PTPRM: variants seen among roughly 807,000 people sequenced by gnomAD.
The protein encoded by PTPRM is protein tyrosine phosphatase receptor type M.
Under a neutral mutation model 186.7 loss-of-function variants are expected in PTPRM, and 47 were observed. That is an observed-to-expected ratio of 0.25 (90% CI 0.20 to 0.32). The LOEUF is 0.32. PTPRM is among the 10% of genes least tolerant of loss of function. PTPRM has a pLI of 1.00. For synonymous variants in PTPRM, 668 were observed against 674.9 expected (o/e 0.99, Z 0.16); for missense variants, 1,494 against 1,865.0 (o/e 0.80, Z 3.66).
chr18:8,276,079 C>G (rs899751066), intron 19 of PTPRM, among the ~76,000 whole-genome samples: 1 of 149,684 alleles, frequency 6.7e-6, no homozygotes, highest in African/African-American at 2.4e-5. Context: ...CATTTCTGTT[C>G]TCTACCTTTC....
intron 13 of PTPRM, among the ~76,000 whole-genome samples, chr18:8,140,369 G>A (rs906075866): frequency 2.0e-5 from 3 of 151,946 alleles, no homozygotes; most frequent in Non-Finnish European, 4.4e-5. Context: ...CTGGGCCAAA[G>A]TGGAATTGTT....
At chr18:7,732,948 A>G (rs2040692610) in intron 1 of PTPRM, among the ~76,000 whole-genome samples, 1 of 152,322 alleles carries the variant, frequency 6.6e-6, no homozygotes, top group Non-Finnish European at 1.5e-5. Flanking sequence ...ACTACAATAT[A>G]GGCTAGACAT....
chr18:7,606,652 T>C (rs567248166), intron 1 of PTPRM, among the ~76,000 whole-genome samples: 1 of 152,278 alleles, frequency 6.6e-6, no homozygotes, highest in Admixed American at 6.5e-5. Context: ...TCCTGCTTAA[T>C]GGAGGTGAGC....
chr18:7,930,172 G>T (rs137908656), intron 5 of PTPRM, among the ~76,000 whole-genome samples: 3,446 of 152,078 alleles, frequency 0.023, 131 homozygotes, highest in African/African-American at 0.079. Context: ...GGGCTTAGAT[G>T]ATCCTCCCAC....
chr18:8,023,868 A>ACG (rs149154904), intron 7 of PTPRM, among the ~76,000 whole-genome samples: 26,672 of 144,436 alleles, frequency 0.18, 3,276 homozygotes, highest in Non-Finnish European at 0.24. Flanking sequence ...ACACACACAC[A>ACG]CACGCACACC....
At chr18:7,915,140 G>C (rs1289676888) in intron 4 of PTPRM, among the ~76,000 whole-genome samples, 1 of 152,082 alleles carries the variant, frequency 6.6e-6, no homozygotes, top group African/African-American at 2.4e-5. Context: ...AGGCTTATTT[G>C]AGATCAATTA....
intron 1 of PTPRM, among the ~76,000 whole-genome samples, chr18:7,749,853 C>T (rs2041128972): frequency 6.6e-6 from 1 of 152,242 alleles, no homozygotes; most frequent in South Asian, 2.1e-4. Flanking sequence ...GTGGAGTTAT[C>T]TGCCTCCCAA....
At chr18:7,771,905 G>A (rs1895532748) in intron 1 of PTPRM, among the ~76,000 whole-genome samples, 1 of 152,230 alleles carries the variant, frequency 6.6e-6, no homozygotes, top group African/African-American at 2.4e-5. Context: ...AAGGATAAAT[G>A]GAGAGTCCTG....
At chr18:7,651,447 A>G (rs1318874353) in intron 1 of PTPRM, among the ~76,000 whole-genome samples, 2 of 152,232 alleles carry the variant, frequency 1.3e-5, no homozygotes, top group Admixed American at 1.3e-4. Context: ...TCGCCAAGTC[A>G]ATCCTAAGCC....
chr18:7,926,108 T>A (rs868225094), intron 4 of PTPRM, among the ~76,000 whole-genome samples: 1 of 152,234 alleles, frequency 6.6e-6, no homozygotes, highest in Non-Finnish European at 1.5e-5. Context: ...TATTAAAATA[T>A]ATATTATGTA....
chr18:8,222,405 C>T (rs1037155814), intron 14 of PTPRM, among the ~76,000 whole-genome samples: 4 of 152,128 alleles, frequency 2.6e-5, no homozygotes, highest in Non-Finnish European at 5.9e-5. Flanking sequence ...ATTTCATTTT[C>T]ATCAACCCCC....
At chr18:8,397,377 G>A (rs142104310) in intron 32 of PTPRM, among the ~76,000 whole-genome samples, 342 of 152,314 alleles carry the variant, frequency 2.2e-3, no homozygotes, top group Non-Finnish European at 4.1e-3. Context: ...GGGAAGATTC[G>A]TCGGTTCGTG....
intron 26 of PTPRM, chr18:8,377,241 T>C (rs2095702317): frequency 1.3e-5 from 2 of 152,228 alleles, no homozygotes; most frequent in Non-Finnish European, 2.9e-5. Context: ...TGGAAAATGA[T>C]TCATGAAGTG....
intron 23 of PTPRM, among the ~76,000 whole-genome samples, chr18:8,367,487 C>T (rs571090865): frequency 6.6e-6 from 1 of 152,250 alleles, no homozygotes; most frequent in African/African-American, 2.4e-5. Flanking sequence ...ATTGTTCCCT[C>T]GCTTCGCTGG....
chr18:8,327,870 T>C (rs1314426244), intron 22 of PTPRM, among the ~76,000 whole-genome samples: 1 of 152,200 alleles, frequency 6.6e-6, no homozygotes, highest in Non-Finnish European at 1.5e-5. Context: ...ATACATATAA[T>C]CAGTTTTGTC....
intron 4 of PTPRM, among the ~76,000 whole-genome samples, chr18:7,924,719 G>A (rs867438584): frequency 6.6e-6 from 1 of 152,188 alleles, no homozygotes; most frequent in Non-Finnish European, 1.5e-5. Context: ...TGCTGTGGCC[G>A]TTGTGATATG....
rs1360388942 is a variant in PTPRM, at chr18:7,940,628, G to A, written c.664-8553G>A. On this transcript the variant is annotated intron_variant, in intron 5 of 32. Transcript: ENST00000580170. ...CTGAGTCAGCCGGCACAGTGGTGCG[G>A]CCATGGCACAGTGGGACTGGGAGTG... is the stretch of plus-strand genomic sequence containing the variant. 3.9e-5 allele frequency among the ~76,000 whole-genome samples: 6 copies of A among 152,040 alleles called. 1 individual carries two copies. In the South Asian group the frequency reaches 8.4e-4, roughly 21 times the overall value.
intron 1 of PTPRM, among the ~76,000 whole-genome samples, chr18:7,729,716 T>A (rs1031893293): frequency 6.6e-6 from 1 of 152,194 alleles, no homozygotes; most frequent in Non-Finnish European, 1.5e-5. Flanking sequence ...AGCACACAGT[T>A]GAATTTATTA....
At chr18:8,367,721 C>G (rs555578688) in intron 23 of PTPRM, among the ~76,000 whole-genome samples, 102 of 152,304 alleles carry the variant, frequency 6.7e-4, no homozygotes, top group Non-Finnish European at 1.2e-3. Context: ...GAGTTGGGAG[C>G]GCATCTCCCA....
Sources: allele counts gnomAD v4.1 joint callset (sites outside exome capture counted in the v4.1 genomes callset), GRCh38; gene constraint gnomAD v4.1.1; transcripts MANE v1.5; gene names NCBI Gene and HGNC (gene_info 2026-07-23, HGNC 2026-07-21).